GRIK2: variants seen among roughly 807,000 people sequenced by gnomAD.
GRIK2 encodes glutamate ionotropic receptor kainate type subunit 2.
GRIK2 carries 32 observed loss-of-function variants against 100.3 expected under a neutral mutation model. That is an observed-to-expected ratio of 0.32 (90% CI 0.24 to 0.43). The LOEUF (loss-of-function observed/expected upper bound fraction) is 0.43, where lower values mean the gene tolerates loss of function less well. GRIK2 is among the 20% of genes least tolerant of loss of function. GRIK2 has a pLI of 1.00. For missense variants in GRIK2, 843 were observed against 1,114.9 expected (o/e 0.76, Z 3.47); for synonymous variants, 417 against 389.4 (o/e 1.07, Z -0.83).
chr6:101,396,433 A>AT (rs140405803), intron 1 of GRIK2, among the ~76,000 whole-genome samples: 4,908 of 151,610 alleles, frequency 0.032, 83 homozygotes, highest in Non-Finnish European at 0.046. Context: ...CTTTCTAGCA[A>AT]TTTTTTTTTG....
chr6:101,858,106 GTCTTC>G (rs914760824), intron 10 of GRIK2, among the ~76,000 whole-genome samples: 3 of 152,056 alleles, frequency 2.0e-5, no homozygotes, highest in South Asian at 2.1e-4. Flanking sequence ...ACTTAATTTT[GTCTTC>G]TCTTATCTTA....
intron 4 of GRIK2, among the ~76,000 whole-genome samples, chr6:101,660,983 C>T (rs1387892018): frequency 6.6e-6 from 1 of 152,118 alleles, no homozygotes; most frequent in Non-Finnish European, 1.5e-5. Context: ...GCATTCTGTT[C>T]CTTAGCAGAG....
At chr6:101,893,910 C>A (rs993534433) in intron 12 of GRIK2, among the ~76,000 whole-genome samples, 1 of 151,474 alleles carries the variant, frequency 6.6e-6, no homozygotes, top group Non-Finnish European at 1.5e-5. Context: ...TATAATAATA[C>A]TTAAATCATC....
chr6:101,399,542 T>C (rs1775161517), intron 2 of GRIK2, 150 bp downstream of exon 2: 1 of 614,526 alleles, frequency 1.6e-6, no homozygotes, highest in Non-Finnish European at 2.9e-6. Flanking sequence ...GAACTCCTTG[T>C]GCTTTCATTT....
At chr6:101,672,181 C>T (rs1229455389) in intron 4 of GRIK2, among the ~76,000 whole-genome samples, 1 of 152,152 alleles carries the variant, frequency 6.6e-6, no homozygotes, top group African/African-American at 2.4e-5. Context: ...AACCAACCCG[C>T]ACAACCCTTC....
At chr6:101,596,975 G>A (rs943990570) in intron 2 of GRIK2, among the ~76,000 whole-genome samples, 5 of 151,606 alleles carry the variant, frequency 3.3e-5, no homozygotes, top group African/African-American at 1.2e-4. Flanking sequence ...AATAGCAAAG[G>A]CATGGAATCA....
chr6:101,889,978 G>T, intron 12 of GRIK2, 115 bp downstream of exon 12: 1 of 669,134 alleles, frequency 1.5e-6, no homozygotes, highest in Non-Finnish European at 2.7e-6. Flanking sequence ...TCCATGGGGT[G>T]CTGAGAAATA....
At chr6:102,051,412 T>G (rs973122609) in intron 15 of GRIK2, among the ~76,000 whole-genome samples, 1 of 152,078 alleles carries the variant, frequency 6.6e-6, no homozygotes, top group Non-Finnish European at 1.5e-5. Context: ...ACTGTGAATA[T>G]GGAGAATTTG....
intron 2 of GRIK2, among the ~76,000 whole-genome samples, chr6:101,460,351 T>G (rs1417192026): frequency 6.6e-6 from 1 of 152,220 alleles, no homozygotes; most frequent in African/African-American, 2.4e-5. Flanking sequence ...TAAGAGTCAG[T>G]GTACCACATT....
intron 4 of GRIK2, among the ~76,000 whole-genome samples, chr6:101,642,428 T>C (rs1562280007): frequency 6.6e-6 from 1 of 151,780 alleles, no homozygotes; most frequent in Non-Finnish European, 1.5e-5. Flanking sequence ...GAAACCACCA[T>C]TCTACTTTCT....
intron 4 of GRIK2, among the ~76,000 whole-genome samples, chr6:101,674,346 C>T (rs1380562925): frequency 2.0e-5 from 3 of 152,166 alleles, no homozygotes; most frequent in Non-Finnish European, 4.4e-5. Flanking sequence ...TACTGCCACA[C>T]CTTTCAAAGT....
chr6:102,008,991 A>T (rs1795386199), intron 14 of GRIK2, among the ~76,000 whole-genome samples: 1 of 152,112 alleles, frequency 6.6e-6, no homozygotes, highest in Admixed American at 6.6e-5. Context: ...ACAGATTTAG[A>T]TCAAATTACT....
intron 14 of GRIK2, among the ~76,000 whole-genome samples, chr6:102,030,245 C>G (rs1338054167): frequency 1.3e-5 from 2 of 151,050 alleles, no homozygotes; most frequent in Admixed American, 1.3e-4. Flanking sequence ...ATTGATTGTT[C>G]TTTCTTTTTC....
chr6:101,680,995 A>T (rs577706597), intron 5 of GRIK2, among the ~76,000 whole-genome samples: 2 of 152,310 alleles, frequency 1.3e-5, no homozygotes, highest in Admixed American at 1.3e-4. Flanking sequence ...AATATATTTG[A>T]TACATTCCAA....
chr6:101,464,683 A>G (rs1171770196), intron 2 of GRIK2, among the ~76,000 whole-genome samples: 1 of 150,344 alleles, frequency 6.7e-6, no homozygotes, highest in Non-Finnish European at 1.5e-5. Flanking sequence ...TGCCTGGCTA[A>G]TTTTGTTTTT....
chr6:101,519,581 CTAAT>C (rs970303997), intron 2 of GRIK2, among the ~76,000 whole-genome samples: 42 of 152,066 alleles, frequency 2.8e-4, no homozygotes, highest in Admixed American at 5.2e-4. Context: ...AGAATATTTT[CTAAT>C]TAAGTCCCAG....
intron 15 of GRIK2, among the ~76,000 whole-genome samples, chr6:102,045,570 G>A (rs1055227828): frequency 3.3e-5 from 5 of 151,864 alleles, no homozygotes; most frequent in Non-Finnish European, 7.4e-5. Context: ...AGAGAAGAGA[G>A]GTTAAAAATC....
chr6:101,482,948 TTTTA>T (rs1178240046), intron 2 of GRIK2, among the ~76,000 whole-genome samples: 2 of 152,210 alleles, frequency 1.3e-5, no homozygotes, highest in South Asian at 4.1e-4. Flanking sequence ...TGAAACTAAA[TTTTA>T]TTTTTTATTT....
chr6:101,733,052 C>T (rs867481882), intron 7 of GRIK2, among the ~76,000 whole-genome samples: 3 of 152,106 alleles, frequency 2.0e-5, no homozygotes, highest in South Asian at 2.1e-4. Flanking sequence ...AAGGCTTCAA[C>T]ATATGAATTT....
Sources: allele counts gnomAD v4.1 joint callset (sites outside exome capture counted in the v4.1 genomes callset), GRCh38; gene constraint gnomAD v4.1.1; transcripts MANE v1.5; gene names NCBI Gene and HGNC (gene_info 2026-07-23, HGNC 2026-07-21).